The following PARD3B variants were observed in gnomAD, a reference collection of about 807,000 sequenced individuals.
PARD3B encodes par-3 family cell polarity regulator beta.
PARD3B carries 103 observed loss-of-function variants against 130.2 expected under a neutral mutation model. The observed-to-expected ratio is 0.79, with a 90% CI of 0.67 to 0.93. The LOEUF (loss-of-function observed/expected upper bound fraction) is 0.93. Among genes scored for constraint, PARD3B ranks in the 40% least tolerant of loss-of-function variants. The pLI is 0.00. For synonymous variants in PARD3B, 583 were observed against 553.2 expected (o/e 1.05, Z -0.76); for missense variants, 1,609 against 1,499.2 (o/e 1.07, Z -1.21).
At chr2:205,296,988 G>A (rs1374187412) in intron 16 of PARD3B, among the ~76,000 whole-genome samples, 1 of 151,718 alleles carries the variant, frequency 6.6e-6, no homozygotes, top group Non-Finnish European at 1.5e-5. Flanking sequence ...TAATTTTTAT[G>A]TGAGATCCTT....
At chr2:205,323,217 C>A (rs552398904) in intron 18 of PARD3B, among the ~76,000 whole-genome samples, 79 of 151,974 alleles carry the variant, frequency 5.2e-4, no homozygotes, top group Admixed American at 2.3e-3. Context: ...CCTAACACCC[C>A]CTTTTAACAT....
intron 2 of PARD3B, among the ~76,000 whole-genome samples, chr2:204,697,813 G>A (rs886804896): frequency 1.3e-5 from 2 of 152,012 alleles, no homozygotes; most frequent in African/African-American, 4.8e-5. Flanking sequence ...ACCCTGGGTG[G>A]CCCTTCGTCT....
chr2:204,590,832 T>C (rs1045838878), intron 1 of PARD3B, among the ~76,000 whole-genome samples: 1 of 152,222 alleles, frequency 6.6e-6, no homozygotes, highest in Non-Finnish European at 1.5e-5. Context: ...TGAATCACCA[T>C]TCTTTGCTAA....
At chr2:204,567,646 T>G (rs2125064519) in intron 1 of PARD3B, among the ~76,000 whole-genome samples, 1 of 152,358 alleles carries the variant, frequency 6.6e-6, no homozygotes, top group South Asian at 2.1e-4. Flanking sequence ...CCACTTTTGG[T>G]TATTGCAAAT....
chr2:204,857,953 A>G (rs2045021560), intron 2 of PARD3B, among the ~76,000 whole-genome samples: 1 of 152,164 alleles, frequency 6.6e-6, no homozygotes, highest in South Asian at 2.1e-4. Context: ...TAATCGTCTA[A>G]AGGGAGGGTT....
At chr2:204,797,321 G>A (rs960694837) in intron 2 of PARD3B, among the ~76,000 whole-genome samples, 1 of 151,850 alleles carries the variant, frequency 6.6e-6, no homozygotes, top group African/African-American at 2.4e-5. Flanking sequence ...TATGGGACTC[G>A]AGGTATAACA....
At chr2:205,506,187 G>T (rs1312741535) in intron 21 of PARD3B, among the ~76,000 whole-genome samples, 2 of 152,138 alleles carry the variant, frequency 1.3e-5, no homozygotes, top group African/African-American at 4.8e-5. Context: ...ACAAAAATTA[G>T]CTGGGCATGG....
At position 205,226,320 on chromosome 2, in the gene PARD3B, A is replaced by G. The variant is rs567288086; in HGVS notation, c.2141-19458A>G. ...CCTCCCAAGTTCTGGGATCACAGGC[A>G]TGAGCCACCACGCCCGGCCAAAAAA... On this transcript the variant is annotated intron_variant, in intron 15 of 22. Coordinates refer to ENST00000406610, the MANE Select transcript of PARD3B (RefSeq NM_001302769.2). Among the ~76,000 whole-genome samples, 115 of 152,158 alleles carry G rather than the reference A, an allele frequency of 7.6e-4. 1 individual carries two copies. Among genetic ancestry groups the G allele is most frequent in the South Asian group, 6.0e-3 (29 of 4,812 alleles).
intron 2 of PARD3B, among the ~76,000 whole-genome samples, chr2:204,735,759 G>A (rs1418580231): frequency 6.6e-6 from 1 of 152,108 alleles, no homozygotes; most frequent in African/African-American, 2.4e-5. Context: ...TGGTTTTGAC[G>A]AGACTGTTTT....
chr2:205,572,726 C>T lies in PARD3B; in HGVS notation c.3260+19323C>T, dbSNP rs1231156971. On this transcript the variant is annotated intron_variant, in intron 22 of 22. Coordinates refer to ENST00000406610, the MANE Select transcript of PARD3B (RefSeq NM_001302769.2). This position sits in a 1 kb window ranked among gnomAD's most constrained non-coding sequence, Gnocchi z 4.2. The stretch of plus-strand genomic sequence containing the variant: ...TGCCATTGCACTCCAGCCTGGACAA[C>T]AGAGGGAGAACCCCATCTCCTAAAT... Among the ~76,000 whole-genome samples, 3 of 152,124 alleles carry T rather than the reference C, an allele frequency of 2.0e-5. No homozygotes were observed. Among genetic ancestry groups the T allele is most frequent in the Non-Finnish European group, 4.4e-5 (3 of 68,032 alleles).
intron 16 of PARD3B, among the ~76,000 whole-genome samples, chr2:205,252,853 C>CCAAA (rs2039916027): frequency 6.2e-5 from 5 of 80,452 alleles, no homozygotes; most frequent in Non-Finnish European, 7.3e-5. Context: ...CCCCCCCCAC[C>CCAAA]AAAAAAAAAA....
In PARD3B at chr2:205,121,531, C is replaced by T. The variant is rs1206770323; in HGVS notation, c.807-60C>T. 6 of 1,462,654 alleles carry T rather than the reference C, an allele frequency of 4.1e-6. No individual in the cohort carries two copies. The highest frequency in any genetic ancestry group is 2.3e-5 in the East Asian group (1 of 43,978). The allele number at this position is 1,462,654 out of a possible 1,614,324, so 90.6% of individuals were successfully genotyped here. A position where few individuals can be genotyped will look rare whatever the true frequency, so the allele number is the denominator to read the frequency against. ...TCTTGGTTGCCATCCTCCTGGGGTA[C>T]TTTAGAAGATGCTGCACCTCAAAGC... On this transcript the variant is annotated intron_variant, in intron 7 of 22. Transcript: ENST00000406610. The surrounding 1 kb of genome is among the most constrained non-coding windows in gnomAD (Gnocchi z 5.0).
chr2:204,736,772 C>A (rs1038733215), intron 2 of PARD3B, among the ~76,000 whole-genome samples: 4 of 152,280 alleles, frequency 2.6e-5, no homozygotes, highest in South Asian at 4.1e-4. Context: ...AGAATGACTT[C>A]TTTTCCTTTG....
rs1440082495 is a variant in PARD3B at position 205,590,689 on chromosome 2, C to T, written c.3261-24767C>T. On this transcript the variant is annotated intron_variant, in intron 22 of 22. Transcript: ENST00000406610. The surrounding 1 kb of genome is among the most constrained non-coding windows in gnomAD (Gnocchi z 4.1). ...CTAGACTGGCAAAAGCAGCAACTTT[C>T]TTCCACTGTCTCAACTCGGATCACA... is the stretch of plus-strand genomic sequence containing the variant. Among the ~76,000 whole-genome samples the T allele has an allele frequency of 2.0e-5, 3 of 152,130 alleles. No individual in the cohort carries two copies. Among genetic ancestry groups the T allele is most frequent in the Non-Finnish European group, 4.4e-5 (3 of 68,036 alleles).
intron 18 of PARD3B, among the ~76,000 whole-genome samples, chr2:205,334,190 A>G (rs931345617): frequency 6.6e-6 from 1 of 152,182 alleles, no homozygotes; most frequent in African/African-American, 2.4e-5. Context: ...TCTTCAGTTT[A>G]TAACTGTGTG....
At chr2:205,488,274 G>A (rs1201632875) in intron 20 of PARD3B, among the ~76,000 whole-genome samples, 1 of 152,012 alleles carries the variant, frequency 6.6e-6, no homozygotes, top group Non-Finnish European at 1.5e-5. Context: ...GGGGGTGTTG[G>A]GGGTTGGGGA....
At chr2:205,159,614 T>C (rs2034390822) in intron 11 of PARD3B, among the ~76,000 whole-genome samples, 1 of 152,194 alleles carries the variant, frequency 6.6e-6, no homozygotes, top group Non-Finnish European at 1.5e-5. Context: ...TAATAAATAA[T>C]AACTACTTCA....
At chr2:205,193,684 A>G (rs1303935135) in intron 15 of PARD3B, among the ~76,000 whole-genome samples, 1 of 152,174 alleles carries the variant, frequency 6.6e-6, no homozygotes, top group Non-Finnish European at 1.5e-5. Context: ...CTGTGCGGGC[A>G]TACCTGTTGC....
In PARD3B at chr2:204,623,436, C is replaced by T. The variant is rs1028410252; in HGVS notation, c.121-62745C>T. Among the ~76,000 whole-genome samples the T allele has an allele frequency of 2.0e-5, 3 of 152,144 alleles. No individual in the cohort carries two copies. The highest frequency in any genetic ancestry group is 4.4e-5 in the Non-Finnish European group (3 of 68,010). On this transcript the variant is annotated intron_variant, in intron 1 of 22. Transcript: ENST00000406610. The surrounding 1 kb of genome is among the most constrained non-coding windows in gnomAD (Gnocchi z 4.5). ...CCACCCCTTTATAGTCATACCCACA[C>T]CCAGCACCCTCCACCATCCCTTTTT...
Sources: allele counts gnomAD v4.1 joint callset (sites outside exome capture counted in the v4.1 genomes callset), GRCh38; gene constraint gnomAD v4.1.1; non-coding constraint Gnocchi (gnomAD v3.1); transcripts MANE v1.5; gene names NCBI Gene and HGNC (gene_info 2026-07-23, HGNC 2026-07-21).